Variants in SLC12A8 observed in about 807,000 individuals in gnomAD.
The protein encoded by SLC12A8 is cation-chloride cotransporter 9.
In SLC12A8, 69 loss-of-function variants were observed where a neutral mutation model predicts 75.6. The observed-to-expected ratio is 0.91, with a 90% CI of 0.75 to 1.11. The LOEUF is 1.11. Ranked by LOEUF, SLC12A8 falls within the 50% of genes most tolerant of loss-of-function variation. The pLI is 0.00. For missense variants in SLC12A8, 877 were observed against 896.7 expected, an observed-to-expected ratio of 0.98 and a Z score of 0.28; for synonymous variants, 365 against 372.8, an observed-to-expected ratio of 0.98 and a Z score of 0.24.
At chr3:125,117,504 G>A (rs1939341936) in intron 8 of SLC12A8, among the ~76,000 whole-genome samples, 1 of 152,088 alleles carries the variant, frequency 6.6e-6, no homozygotes, top group Non-Finnish European at 1.5e-5. Flanking sequence ...GCTGAGGTGG[G>A]AGAATCACCT....
rs1347686662 is a variant in SLC12A8 at position 125,082,944 on chromosome 3, GA to G, written c.*945del. On this transcript the variant is annotated 3_prime_UTR_variant, in exon 14 of 14. Transcript: ENST00000469902. Reference sequence around the variant, plus strand: ...ATGTCTCCAAGATAGATTGTTAAGGGAAAAAAGCAAGGTGCAGAACATGTGT... The same window carrying G: ...ATGTCTCCAAGATAGATTGTTAAGGGAAAAAGCAAGGTGCAGAACATGTGT... The G allele has an allele frequency of 6.6e-6, 1 of 152,188 alleles. No individual in the cohort carries two copies. The highest frequency in any genetic ancestry group is 1.5e-5 in the Non-Finnish European group (1 of 68,034). 9.4% of individuals were successfully genotyped at this position (152,188 alleles called of 1,614,324 possible).
chr3:125,148,540 T>C (rs532866405), intron 5 of SLC12A8, among the ~76,000 whole-genome samples: 1 of 152,216 alleles, frequency 6.6e-6, no homozygotes, highest in East Asian at 1.9e-4. Context: ...CTTTGTATAT[T>C]ATTTAACTTT....
chr3:125,152,380 C>T (rs982670937), intron 5 of SLC12A8, among the ~76,000 whole-genome samples: 3 of 152,186 alleles, frequency 2.0e-5, no homozygotes, highest in Non-Finnish European at 2.9e-5. Flanking sequence ...CTCATTCGGT[C>T]ATTACAGATT....
chr3:125,097,533 TGTGTGTGTGTGTGTGTGTG>T (rs1178858536), intron 10 of SLC12A8, among the ~76,000 whole-genome samples: 2 of 2,904 alleles, frequency 6.9e-4, no homozygotes, highest in Non-Finnish European at 0.023. Context: ...GGGAATTGTG[TGTGTGTGTGTGTGTGTGTG>T]TGTGTGTGTG....
chr3:125,086,687 C>T (rs888328466), intron 13 of SLC12A8, among the ~76,000 whole-genome samples: 1 of 152,172 alleles, frequency 6.6e-6, no homozygotes, highest in Non-Finnish European at 1.5e-5. Flanking sequence ...TGACCTGGCT[C>T]ACCCAACCTT....
At chr3:125,159,283 G>T (rs1474847242) in intron 5 of SLC12A8, among the ~76,000 whole-genome samples, 1 of 151,712 alleles carries the variant, frequency 6.6e-6, no homozygotes, top group African/African-American at 2.4e-5. Flanking sequence ...TTTTTTAGAG[G>T]TGGGGTCTCA....
intron 4 of SLC12A8, among the ~76,000 whole-genome samples, chr3:125,178,753 T>C (rs1441297808): frequency 6.6e-6 from 1 of 152,246 alleles, no homozygotes; most frequent in Non-Finnish European, 1.5e-5. Context: ...AGTTATGAAT[T>C]TACTAATCTG....
At chr3:125,111,767 T>A (rs1040176551) in intron 8 of SLC12A8, among the ~76,000 whole-genome samples, 2 of 152,108 alleles carry the variant, frequency 1.3e-5, no homozygotes, top group African/African-American at 2.4e-5. Context: ...GACTGATGGA[T>A]GAATCAGTCA....
chr3:125,175,929 G>A (rs933444832), intron 5 of SLC12A8, among the ~76,000 whole-genome samples: 21 of 152,112 alleles, frequency 1.4e-4, no homozygotes, highest in Admixed American at 2.6e-4. Flanking sequence ...GAAGGTTCCT[G>A]GAGAGGGACT....
chr3:125,204,847 T>A (rs62270293), intron 2 of SLC12A8, among the ~76,000 whole-genome samples: 44,239 of 151,986 alleles, frequency 0.29, 7,581 homozygotes, highest in Non-Finnish European at 0.39. Context: ...CCCCCATAAA[T>A]ACGTATAATT....
intron 5 of SLC12A8, chr3:125,151,700 T>TA (rs1933929382): frequency 6.6e-6 from 1 of 152,268 alleles, no homozygotes; most frequent in Admixed American, 6.5e-5. Context: ...AAGACTGTCT[T>TA]ACGTTTATTT....
Position 125,120,584 on chromosome 3 carries a change from A to G in SLC12A8, c.824+15T>C, listed in dbSNP as rs1301925491. 8 of 1,599,540 alleles carry G rather than the reference A, an allele frequency of 5.0e-6. No individual in the cohort carries two copies. The East Asian group carries it at 1.6e-4, about 31-fold the overall frequency. On this transcript the variant is annotated intron_variant, in intron 7 of 13. Coordinates refer to ENST00000469902, the MANE Select transcript of SLC12A8 (RefSeq NM_024628.6). ...CACTCTCTAGCTCAGACTGATTGCC[A>G]TGAGGGGAACTTACGAGATGCCAAC...
At chr3:125,095,433 T>C (rs573404943) in intron 10 of SLC12A8, among the ~76,000 whole-genome samples, 1 of 152,248 alleles carries the variant, frequency 6.6e-6, no homozygotes, top group Non-Finnish European at 1.5e-5. Context: ...GACTCCTCAC[T>C]GCCTCCATTG....
Position 125,083,837 on chromosome 3 carries a change from T to C in SLC12A8, c.*53A>G, listed in dbSNP as rs2107726946. On this transcript the variant is annotated 3_prime_UTR_variant, in exon 14 of 14. Coordinates refer to ENST00000469902, the MANE Select transcript of SLC12A8 (RefSeq NM_024628.6). ...AGCAGCTCCACGAAGGTCCTGAGCT[T>C]GGGTCCACTGTACATGGGACAGCTC... The C allele has an allele frequency of 6.4e-7, 1 of 1,559,340 alleles. No individual in the cohort carries two copies. Among genetic ancestry groups the C allele is most frequent in the African/African-American group, 1.4e-5 (1 of 73,728 alleles).
chr3:125,145,188 G>C (rs1216581352), intron 5 of SLC12A8, among the ~76,000 whole-genome samples: 5 of 152,314 alleles, frequency 3.3e-5, no homozygotes, highest in African/African-American at 1.2e-4. Context: ...CCAGAACACA[G>C]TGTGGCCAAG....
At chr3:125,193,767 C>T (rs955446806) in intron 2 of SLC12A8, among the ~76,000 whole-genome samples, 22 of 152,310 alleles carry the variant, frequency 1.4e-4, no homozygotes, top group Middle Eastern at 3.4e-3. Flanking sequence ...ACAAAGTCCA[C>T]GCTAAGATTC....
chr3:125,098,569 CA>C, intron 10 of SLC12A8, among the ~76,000 whole-genome samples: 1 of 151,694 alleles, frequency 6.6e-6, no homozygotes, highest in African/African-American at 2.4e-5. Flanking sequence ...CACACACACA[CA>C]CACACACACA....
chr3:125,089,377 T>G (rs1579459953), intron 12 of SLC12A8, among the ~76,000 whole-genome samples: 1 of 152,194 alleles, frequency 6.6e-6, no homozygotes, highest in East Asian at 1.9e-4. Flanking sequence ...GATTCTAAAT[T>G]ATTTGAATTT....
chr3:125,139,763 G>C (rs565917375), intron 5 of SLC12A8, among the ~76,000 whole-genome samples: 1 of 152,180 alleles, frequency 6.6e-6, no homozygotes, highest in Non-Finnish European at 1.5e-5. Flanking sequence ...GGTCCATGCC[G>C]CCTGCCATGC....
Sources: allele counts gnomAD v4.1 joint callset (sites outside exome capture counted in the v4.1 genomes callset), GRCh38; gene constraint gnomAD v4.1.1; transcripts MANE v1.5; gene names NCBI Gene and HGNC (gene_info 2026-07-23, HGNC 2026-07-21).